Variants in GPR176 observed in about 807,000 individuals in gnomAD.
GPR176 encodes G protein-coupled receptor 176, also known as G-protein coupled receptor 176.
Under a neutral mutation model 35.4 loss-of-function variants are expected in GPR176, and 26 were observed. The observed-to-expected ratio is 0.74, with a 90% CI of 0.54 to 1.02. The LOEUF (loss-of-function observed/expected upper bound fraction) is 1.02, where lower values mean the gene tolerates loss of function less well. Ranked by LOEUF, GPR176 falls within the 50% of genes least tolerant of loss-of-function variation. The probability of loss-of-function intolerance (pLI) is 0.00; values close to 1 mark genes in which losing one functional copy is unlikely to be tolerated. For synonymous variants in GPR176, 278 were observed against 271.3 expected (o/e 1.02, Z -0.24); for missense variants, 597 against 665.3 (o/e 0.90, Z 1.13).
At chr15:39,884,190 T>A (rs1028483234) in intron 1 of GPR176, among the ~76,000 whole-genome samples, 1 of 152,212 alleles carries the variant, frequency 6.6e-6, no homozygotes, top group African/African-American at 2.4e-5. Context: ...ACTTTTGACA[T>A]AATACTCCTT....
chr15:39,863,338 T>A (rs1204992694), intron 1 of GPR176, among the ~76,000 whole-genome samples: 1 of 151,468 alleles, frequency 6.6e-6, no homozygotes, highest in Non-Finnish European at 1.5e-5. Context: ...ACAAAAAGTT[T>A]AAAAGTTTAA....
intron 1 of GPR176, among the ~76,000 whole-genome samples, chr15:39,847,399 T>C (rs569904170): frequency 2.6e-5 from 4 of 152,164 alleles, no homozygotes; most frequent in African/African-American, 9.6e-5. Flanking sequence ...AAATATAATG[T>C]TATATACAGG....
intron 1 of GPR176, among the ~76,000 whole-genome samples, chr15:39,836,765 G>C (rs1901423837): frequency 6.6e-6 from 1 of 152,096 alleles, no homozygotes; most frequent in Non-Finnish European, 1.5e-5. Flanking sequence ...GTCCCCTTTA[G>C]TTTGTTAACC....
chr15:39,913,092 T>C (rs1413514023), intron 1 of GPR176, among the ~76,000 whole-genome samples: 1 of 152,152 alleles, frequency 6.6e-6, no homozygotes, highest in African/African-American at 2.4e-5. Context: ...CAAAATGTAA[T>C]ATATCCATAC....
chr15:39,897,283 A>G (rs1264766080), intron 1 of GPR176, among the ~76,000 whole-genome samples: 1 of 152,230 alleles, frequency 6.6e-6, no homozygotes, highest in African/African-American at 2.4e-5. Context: ...AATCTAGGAC[A>G]CAACATGATA....
intron 1 of GPR176, among the ~76,000 whole-genome samples, chr15:39,836,938 T>C (rs964259809): frequency 1.3e-5 from 2 of 152,200 alleles, no homozygotes; most frequent in African/African-American, 4.8e-5. Flanking sequence ...GATATTTTTC[T>C]GATCCTATAT....
intron 1 of GPR176, among the ~76,000 whole-genome samples, chr15:39,873,653 TAATA>T (rs1268756475): frequency 1.3e-5 from 2 of 151,576 alleles, no homozygotes; most frequent in African/African-American, 4.8e-5. Flanking sequence ...TTTTTCTTAT[TAATA>T]TATATTCAAT....
intron 1 of GPR176, among the ~76,000 whole-genome samples, chr15:39,848,885 T>A (rs1595476829): frequency 8.4e-6 from 1 of 119,110 alleles, no homozygotes; most frequent in African/African-American, 3.3e-5. Context: ...TCAGATAAGC[T>A]CCCAACTCAA....
At position 39,825,291 on chromosome 15, in the gene GPR176, G is replaced by T. The variant is rs186105710; in HGVS notation, c.173-18033C>A. Among the ~76,000 whole-genome samples the T allele has an allele frequency of 7.2e-5, 11 of 152,054 alleles. No individual in the cohort carries two copies. The East Asian group carries it at 1.7e-3, about 24-fold the overall frequency. ...TTAAGAAAAGCATGGTAAATATTCT[G>T]GTCTTCACTTTTTCATACATGTCTC... On this transcript the variant is annotated intron_variant, in intron 1 of 2. Transcript: ENST00000561100.
intron 1 of GPR176, among the ~76,000 whole-genome samples, chr15:39,818,590 T>C (rs1462993102): frequency 6.6e-6 from 1 of 152,214 alleles, no homozygotes; most frequent in African/African-American, 2.4e-5. Flanking sequence ...CAATGGATTT[T>C]AGGTGAGTCT....
intron 1 of GPR176, among the ~76,000 whole-genome samples, chr15:39,857,506 T>TA (rs1413574651): frequency 2.0e-5 from 3 of 150,914 alleles, no homozygotes; most frequent in Admixed American, 6.6e-5. Flanking sequence ...CCCATCTCTA[T>TA]AAAAAATACA....
chr15:39,914,309 C>CTTTT (rs5812146), intron 1 of GPR176, among the ~76,000 whole-genome samples: 4 of 71,144 alleles, frequency 5.6e-5, no homozygotes, highest in Non-Finnish European at 1.1e-4. Context: ...ATATCTTATT[C>CTTTT]TTTTTTTTTT....
chr15:39,801,951 T>G lies in GPR176; in HGVS notation c.729A>C (p.Ala243=). 1.2e-6 allele frequency: 2 copies of G among 1,614,042 alleles called. No individual in the cohort carries two copies. Among genetic ancestry groups the G allele is most frequent in the South Asian group, 2.2e-5 (2 of 91,066 alleles). The part of the protein sequence containing the change: ...SASQKKKVII[A]ALRTPQNTIS... ...TGGTGTTCTGTGGGGTCCGGAGCGCTGCTATGATGACCTTCTTCTTCTGGC... is the reference window on the plus strand; with the variant it reads ...TGGTGTTCTGTGGGGTCCGGAGCGCGGCTATGATGACCTTCTTCTTCTGGC... The change falls in exon 3 of 3, where the codon GCA becomes GCC. Residue 243 remains alanine, a synonymous_variant. Transcript: ENST00000561100.
rs1448952299 is a variant in GPR176 at position 39,898,808 on chromosome 15, C to T, written c.172+21047G>A. Among the ~76,000 whole-genome samples, 4 of 152,076 alleles carry T rather than the reference C, an allele frequency of 2.6e-5. No homozygotes were observed. The East Asian group carries it at 7.7e-4, about 29-fold the overall frequency. On this transcript the variant is annotated intron_variant, in intron 1 of 2. Coordinates refer to ENST00000561100, the MANE Select transcript of GPR176 (RefSeq NM_007223.3). ...TGGAAGTATAAAATTTAAGGCTGCTCTTCCAAGAAGTATGACTATGAAAGG... is the reference window on the plus strand; with the variant it reads ...TGGAAGTATAAAATTTAAGGCTGCTTTTCCAAGAAGTATGACTATGAAAGG...
At chr15:39,849,896 A>T (rs541898199) in intron 1 of GPR176, among the ~76,000 whole-genome samples, 1 of 152,264 alleles carries the variant, frequency 6.6e-6, no homozygotes, top group Non-Finnish European at 1.5e-5. Flanking sequence ...TAGATGGCAC[A>T]GTCTACTACA....
At chr15:39,807,321 A>G in intron 1 of GPR176, 63 bp from the exon 2 acceptor site, 1 of 1,115,670 alleles carries the variant, frequency 9.0e-7, no homozygotes, top group East Asian at 2.8e-5. Context: ...AAAAAAGGAA[A>G]AAAGTACAGG....
intron 1 of GPR176, among the ~76,000 whole-genome samples, chr15:39,852,589 G>A (rs891119308): frequency 6.6e-6 from 1 of 152,144 alleles, no homozygotes; most frequent in African/African-American, 2.4e-5. Flanking sequence ...TCCCAGATGG[G>A]TCTCTTAGCC....
intron 1 of GPR176, among the ~76,000 whole-genome samples, chr15:39,895,292 A>AGGGAGAG (rs1190032263): frequency 7.1e-5 from 1 of 14,146 alleles, no homozygotes; most frequent in Admixed American, 1.0e-3. Flanking sequence ...GGAGAGGAAG[A>AGGGAGAG]GGGGGAGGGG....
chr15:39,868,435 G>A (rs1272574537), intron 1 of GPR176, among the ~76,000 whole-genome samples: 1 of 152,142 alleles, frequency 6.6e-6, no homozygotes, highest in Non-Finnish European at 1.5e-5. Flanking sequence ...AGGGCAGAAG[G>A]GGGATCTTCT....
Sources: allele counts gnomAD v4.1 joint callset (sites outside exome capture counted in the v4.1 genomes callset), GRCh38; gene constraint gnomAD v4.1.1; transcripts MANE v1.5; gene names NCBI Gene and HGNC (gene_info 2026-07-23, HGNC 2026-07-21).